Variants in NEBL observed in about 807,000 individuals in gnomAD.
NEBL encodes the protein LIM and SH3 protein 2.
A neutral mutation model predicts 140.2 loss-of-function variants in NEBL; 122 were observed. The ratio of observed to expected loss-of-function variants is 0.87; its 90% CI spans 0.75 to 1.01. The LOEUF (loss-of-function observed/expected upper bound fraction) is 1.01. NEBL is among the 50% of genes least tolerant of loss of function. The probability of loss-of-function intolerance (pLI) is 0.00; values close to 1 mark genes in which losing one functional copy is unlikely to be tolerated. For synonymous variants in NEBL, 436 were observed against 398.9 expected, an observed-to-expected ratio of 1.09 and a Z score of -1.11; for missense variants, 1,365 against 1,231.3, an observed-to-expected ratio of 1.11 and a Z score of -1.62.
At chr10:21,087,395 T>C (rs1024234044) in intron 2 of NEBL, among the ~76,000 whole-genome samples, 4 of 152,202 alleles carry the variant, frequency 2.6e-5, no homozygotes, top group Admixed American at 1.3e-4. Context: ...ATTCTCACTT[T>C]AGAAAACACA....
In NEBL at chr10:21,121,315, C is replaced by T. The variant is rs894897692; in HGVS notation, c.164+51068G>A. Among the ~76,000 whole-genome samples, 90 of 152,102 alleles carry T rather than the reference C, an allele frequency of 5.9e-4. 1 individual carries two copies. Among genetic ancestry groups the T allele is most frequent in the Non-Finnish European group, 7.4e-5 (5 of 68,002 alleles). ...CAGGGGATTGATCACTTTAATGTCA[C>T]GGTCATGCCAATCCCCGTTCTTCCA... On this transcript the variant is annotated intron_variant, in intron 2 of 6. Coordinates refer to the NEBL transcript ENST00000417816.
At chr10:21,281,136 C>T (rs1444545606) in intron 1 of NEBL, among the ~76,000 whole-genome samples, 1 of 152,180 alleles carries the variant, frequency 6.6e-6, no homozygotes, top group African/African-American at 2.4e-5. Flanking sequence ...TGGGATTCAC[C>T]AGACCTGGAG....
At chr10:20,938,369 C>A (rs1834632337) in intron 4 of NEBL, among the ~76,000 whole-genome samples, 2 of 152,292 alleles carry the variant, frequency 1.3e-5, no homozygotes, top group African/African-American at 4.8e-5. Context: ...CAGACCTGCA[C>A]CTGAGGGTCC....
At chr10:21,211,200 C>T (rs1033697632) in intron 3 of NEBL, among the ~76,000 whole-genome samples, 12 of 152,060 alleles carry the variant, frequency 7.9e-5, no homozygotes, top group Non-Finnish European at 1.5e-4. Flanking sequence ...AGTCATTGGC[C>T]GAGTGCAACA....
At chr10:20,925,756 T>C (rs1313035806) in intron 4 of NEBL, among the ~76,000 whole-genome samples, 1 of 152,002 alleles carries the variant, frequency 6.6e-6, no homozygotes, top group Non-Finnish European at 1.5e-5. Flanking sequence ...AGTACACAAT[T>C]TGGAGTAGAG....
At chr10:20,876,949 T>A (rs924809296) in intron 5 of NEBL, among the ~76,000 whole-genome samples, 1 of 152,242 alleles carries the variant, frequency 6.6e-6, no homozygotes, top group Admixed American at 6.5e-5. Context: ...CTGTTTTTAA[T>A]CATTTTCTGA....
exon 3 of NEBL, chr10:21,020,153 A>G: frequency 2.5e-6 from 4 of 1,614,044 alleles, no homozygotes; most frequent in Non-Finnish European, 2.5e-6. Context: ...TCAGGCGAAG[A>G]TTTTCAGGTG....
chr10:21,276,731 G>A (rs1588591119), intron 1 of NEBL, among the ~76,000 whole-genome samples: 1 of 152,242 alleles, frequency 6.6e-6, no homozygotes, highest in East Asian at 1.9e-4. Flanking sequence ...AGCTTTGGGA[G>A]GCCAAAGCAG....
intron 5 of NEBL, among the ~76,000 whole-genome samples, chr10:20,876,089 A>G (rs1218312041): frequency 6.6e-6 from 1 of 152,224 alleles, no homozygotes; most frequent in African/African-American, 2.4e-5. Flanking sequence ...CTACTAAATT[A>G]TTAAATTGTA....
At chr10:20,826,421 G>C in intron 18 of NEBL, 26 bp downstream of exon 18, 1 of 1,556,930 alleles carries the variant, frequency 6.4e-7, no homozygotes, top group Non-Finnish European at 8.9e-7. Flanking sequence ...TTTTAGAAAA[G>C]ATAATTAATG....
At chr10:20,909,162 C>G (rs1169898610) in intron 4 of NEBL, among the ~76,000 whole-genome samples, 2 of 151,798 alleles carry the variant, frequency 1.3e-5, no homozygotes, top group Admixed American at 6.6e-5. Flanking sequence ...TCCAACTACA[C>G]TCTTTGCATT....
intron 2 of NEBL, chr10:21,030,200 T>C (rs1208076740): frequency 4.0e-6 from 2 of 502,090 alleles, no homozygotes; most frequent in Admixed American, 5.4e-5. Flanking sequence ...AAAACTAGAA[T>C]GACGGCCTCG....
chr10:20,888,327 A>G lies in NEBL; in HGVS notation c.259-120T>C, dbSNP rs1003028179. On this transcript the variant is annotated intron_variant, in intron 3 of 27. Coordinates refer to ENST00000377122, the MANE Select transcript of NEBL (RefSeq NM_006393.3). The stretch of plus-strand genomic sequence containing the variant: ...ACAGAATTGATTTTAAAATCTGCAG[A>G]CCATTTTAATTTTAGATACCAGAGC... 6 of 693,098 alleles carry G rather than the reference A, an allele frequency of 8.7e-6. No homozygotes were observed. The Admixed American group carries it at 1.6e-4, about 19-fold the overall frequency. The allele number at this position is 693,098 out of a possible 1,614,324, so 42.9% of individuals were successfully genotyped here.
At chr10:20,853,359 C>A (rs2131081373) in intron 9 of NEBL, among the ~76,000 whole-genome samples, 2 of 152,186 alleles carry the variant, frequency 1.3e-5, no homozygotes, top group East Asian at 1.9e-4. Flanking sequence ...CTGAAAGAAG[C>A]TAAATGTAAC....
chr10:20,993,075 G>A (rs547796269), intron 3 of NEBL, among the ~76,000 whole-genome samples: 11 of 151,800 alleles, frequency 7.2e-5, no homozygotes, highest in Non-Finnish European at 5.9e-5. Context: ...GAGCCACCGC[G>A]CCTGGCCTGC....
At chr10:21,167,821 G>A (rs1337048259) in intron 2 of NEBL, among the ~76,000 whole-genome samples, 1 of 152,084 alleles carries the variant, frequency 6.6e-6, no homozygotes, top group Non-Finnish European at 1.5e-5. Flanking sequence ...GCACCTCTTA[G>A]TGATAACAAT....
chr10:20,926,090 T>C (rs1400596753), intron 4 of NEBL, among the ~76,000 whole-genome samples: 1 of 152,204 alleles, frequency 6.6e-6, no homozygotes, highest in Non-Finnish European at 1.5e-5. Flanking sequence ...TGAAATCTTA[T>C]AGGCCATATA....
At chr10:21,272,118 A>ATTTTTTTTTTTTTTTT (rs10678454) in intron 1 of NEBL, among the ~76,000 whole-genome samples, 4 of 79,100 alleles carry the variant, frequency 5.1e-5, no homozygotes, top group Non-Finnish European at 9.3e-5. Flanking sequence ...CACTTGGTTA[A>ATTTTTTTTTTTTTTTT]TTTTTTTTTT....
chr10:21,200,146 C>G (rs1169273242), intron 3 of NEBL, among the ~76,000 whole-genome samples: 3 of 151,998 alleles, frequency 2.0e-5, no homozygotes, highest in Non-Finnish European at 4.4e-5. Context: ...TTCCTCGCTA[C>G]CCTACAGGTG....
Sources: gnomAD v4.1 joint callset for allele counts (sites outside exome capture counted in the v4.1 genomes callset) on GRCh38, gnomAD v4.1.1 for gene constraint, MANE v1.5 for transcripts, NCBI Gene and HGNC (gene_info 2026-07-23, HGNC 2026-07-21) for gene names.